Variants in FER observed in about 807,000 individuals in gnomAD.
FER encodes FER tyrosine kinase, also known as tyrosine-protein kinase Fer.
A neutral mutation model predicts 111.0 loss-of-function variants in FER; 63 were observed. The ratio of observed to expected loss-of-function variants is 0.57; its 90% CI spans 0.46 to 0.70. The LOEUF (loss-of-function observed/expected upper bound fraction) is 0.70. Among genes scored for constraint, FER ranks in the 30% least tolerant of loss-of-function variants. The pLI is 0.00. For synonymous variants in FER, 327 were observed against 313.9 expected, an observed-to-expected ratio of 1.04 and a Z score of -0.44; for missense variants, 914 against 954.0, an observed-to-expected ratio of 0.96 and a Z score of 0.55.
chr5:108,812,464 G>A (rs1757864488), intron 3 of FER, among the ~76,000 whole-genome samples: 1 of 152,102 alleles, frequency 6.6e-6, no homozygotes, highest in Non-Finnish European at 1.5e-5. Context: ...TTTGAAGTGG[G>A]TTTTTGTAAG....
chr5:109,032,701 G>C (rs1049786118), intron 13 of FER, among the ~76,000 whole-genome samples: 1 of 152,086 alleles, frequency 6.6e-6, no homozygotes, highest in Non-Finnish European at 1.5e-5. Flanking sequence ...GCAATTAGAA[G>C]GTACACTGTG....
chr5:109,040,254 G>A (rs954498243), intron 14 of FER, among the ~76,000 whole-genome samples: 14 of 152,044 alleles, frequency 9.2e-5, no homozygotes, highest in African/African-American at 3.4e-4. Flanking sequence ...TATATAGCTG[G>A]TACTTACCAC....
intron 13 of FER, among the ~76,000 whole-genome samples, chr5:109,016,475 G>A (rs568113269): frequency 2.0e-5 from 3 of 152,194 alleles, no homozygotes; most frequent in African/African-American, 7.2e-5. Flanking sequence ...CAAGCAGTGT[G>A]TGAAGAAAAC....
intron 13 of FER, among the ~76,000 whole-genome samples, chr5:109,001,450 C>T (rs1157032223): frequency 1.3e-5 from 2 of 152,206 alleles, no homozygotes; most frequent in Non-Finnish European, 2.9e-5. Context: ...ATGCTAAAAA[C>T]TCTCAATCAA....
chr5:108,968,153 C>A (rs1439184217), intron 13 of FER, among the ~76,000 whole-genome samples: 1 of 152,204 alleles, frequency 6.6e-6, no homozygotes, highest in Non-Finnish European at 1.5e-5. Flanking sequence ...CTTTGGGAGG[C>A]AAAGGCAGGT....
At chr5:109,121,649 G>A (rs1026559386) in intron 17 of FER, among the ~76,000 whole-genome samples, 1 of 151,848 alleles carries the variant, frequency 6.6e-6, no homozygotes, top group Non-Finnish European at 1.5e-5. Flanking sequence ...ATTTTTGGGG[G>A]GCAGGAATAG....
intron 13 of FER, among the ~76,000 whole-genome samples, chr5:108,960,451 T>C (rs1447596105): frequency 6.6e-6 from 1 of 152,062 alleles, no homozygotes; most frequent in East Asian, 1.9e-4. Flanking sequence ...GCTCATTCTT[T>C]GTTAAATTTT....
intron 13 of FER, among the ~76,000 whole-genome samples, chr5:108,967,207 G>A (rs1172531283): frequency 3.3e-5 from 5 of 152,112 alleles, no homozygotes; most frequent in South Asian, 2.1e-4. Flanking sequence ...CTTGTCCTGC[G>A]TCCAAGAAGA....
At chr5:109,005,318 T>C (rs1226793642) in intron 13 of FER, among the ~76,000 whole-genome samples, 1 of 151,782 alleles carries the variant, frequency 6.6e-6, no homozygotes, top group Non-Finnish European at 1.5e-5. Flanking sequence ...GGAGAGAGGA[T>C]AGAAGGTGTT....
chr5:108,832,035 G>A (rs1760099101), intron 3 of FER, among the ~76,000 whole-genome samples: 1 of 152,002 alleles, frequency 6.6e-6, no homozygotes, highest in Middle Eastern at 3.2e-3. Flanking sequence ...TCTTCTAGCA[G>A]TTTCCATATG....
At chr5:108,911,699 A>G (rs1340196671) in intron 10 of FER, among the ~76,000 whole-genome samples, 1 of 152,112 alleles carries the variant, frequency 6.6e-6, no homozygotes, top group Non-Finnish European at 1.5e-5. Context: ...CAATTTTCAG[A>G]GCACCATTTA....
At chr5:109,139,472 CCTT>C (rs1406199577) in intron 17 of FER, among the ~76,000 whole-genome samples, 3 of 151,128 alleles carry the variant, frequency 2.0e-5, no homozygotes, top group Non-Finnish European at 2.9e-5. Flanking sequence ...TGCTACTTCT[CCTT>C]CTTTATAACC....
intron 17 of FER, among the ~76,000 whole-genome samples, chr5:109,163,724 T>G (rs1356900002): frequency 2.0e-5 from 3 of 152,260 alleles, no homozygotes; most frequent in Admixed American, 1.3e-4. Context: ...ATTACAGGCA[T>G]GAGCTACTGC....
At chr5:109,079,136 A>G (rs1776701999) in intron 16 of FER, among the ~76,000 whole-genome samples, 1 of 152,170 alleles carries the variant, frequency 6.6e-6, no homozygotes, top group African/African-American at 2.4e-5. Context: ...GTAATGTTCC[A>G]AGACTGAGAC....
Position 108,978,301 on chromosome 5 carries a change from A to G in FER, c.1656+18954A>G, listed in dbSNP as rs567614649. ...ATTCTAACATACAAAAATCCTTTAT[A>G]GATTTTTTCAGTTTTTCCAGTTGTT... On this transcript the variant is annotated intron_variant, in intron 13 of 19. Transcript: ENST00000281092. 3.9e-5 allele frequency among the ~76,000 whole-genome samples: 6 copies of G among 152,364 alleles called. No homozygotes were observed. The East Asian group carries it at 1.2e-3, about 29-fold the overall frequency.
intron 17 of FER, among the ~76,000 whole-genome samples, chr5:109,103,731 G>A (rs966374951): frequency 2.0e-5 from 3 of 152,118 alleles, no homozygotes; most frequent in African/African-American, 4.8e-5. Context: ...TGTGGTGTGT[G>A]TATGTTTACT....
intron 16 of FER, among the ~76,000 whole-genome samples, chr5:109,059,604 C>T (rs80117322): frequency 0.028 from 4,258 of 152,242 alleles, 86 homozygotes; most frequent in Middle Eastern, 0.11. Flanking sequence ...CTCTCTCCCT[C>T]TTATTTCAAC....
At chr5:108,925,472 G>T (rs1753609551) in intron 10 of FER, among the ~76,000 whole-genome samples, 1 of 151,854 alleles carries the variant, frequency 6.6e-6, no homozygotes, top group Non-Finnish European at 1.5e-5. Flanking sequence ...TTACTAATAG[G>T]AATATAGCCC....
At chr5:108,842,860 A>T (rs1409885196) in intron 5 of FER, 1 of 152,208 alleles carries the variant, frequency 6.6e-6, no homozygotes, top group African/African-American at 2.4e-5. Flanking sequence ...TTAAGAGCTA[A>T]AAGTAGAACT....
Sources: allele counts gnomAD v4.1 joint callset (sites outside exome capture counted in the v4.1 genomes callset), GRCh38; gene constraint gnomAD v4.1.1; transcripts MANE v1.5; gene names NCBI Gene and HGNC (gene_info 2026-07-23, HGNC 2026-07-21).